The following GRIA2 variants were observed in gnomAD, a reference collection of about 807,000 sequenced individuals.
GRIA2 encodes glutamate ionotropic receptor AMPA type subunit 2.
GRIA2 carries 14 observed loss-of-function variants against 97.3 expected under a neutral mutation model. That is an observed-to-expected ratio of 0.14 (90% CI 0.10 to 0.23). The LOEUF (loss-of-function observed/expected upper bound fraction) is 0.23, where lower values mean the gene tolerates loss of function less well. Ranked by LOEUF, GRIA2 falls within the 10% of genes least tolerant of loss-of-function variation. The pLI is 1.00. For missense variants in GRIA2, 558 were observed against 1,069.8 expected (o/e 0.52, Z 6.67); for synonymous variants, 412 against 387.8 (o/e 1.06, Z -0.73).
At chr4:157,309,998 G>C (rs1383410564) in intron 3 of GRIA2, among the ~76,000 whole-genome samples, 1 of 152,042 alleles carries the variant, frequency 6.6e-6, no homozygotes, top group African/African-American at 2.4e-5. Flanking sequence ...ATGTAGGAAA[G>C]TAGAACCCAG....
rs1736772491 is a variant in GRIA2 at position 157,364,169 on chromosome 4, T to A, written c.*738T>A. Reference sequence around the variant, plus strand: ...AAAGTAAACAAAGAGGAGATTCCAATCTTGTAATTTAATATTGTTATTAAA... The same window carrying A: ...AAAGTAAACAAAGAGGAGATTCCAAACTTGTAATTTAATATTGTTATTAAA... On this transcript the variant is annotated 3_prime_UTR_variant, in exon 16 of 16. Transcript: ENST00000264426. 1 of 152,464 alleles carries A rather than the reference T, an allele frequency of 6.6e-6. No homozygotes were observed. The highest frequency in any genetic ancestry group is 2.4e-5 in the African/African-American group (1 of 41,444). 9.4% of individuals were successfully genotyped at this position (152,464 alleles called of 1,614,324 possible).
chr4:157,359,827 T>G, intron 12 of GRIA2, 69 bp from the exon 13 acceptor site: 1 of 1,383,416 alleles, frequency 7.2e-7, no homozygotes, highest in Non-Finnish European at 1.0e-6. Context: ...TAATACCTCT[T>G]TTTGTGTTTT....
chr4:157,245,078 A>G (rs1297813551), intron 2 of GRIA2, among the ~76,000 whole-genome samples: 1 of 151,784 alleles, frequency 6.6e-6, no homozygotes, highest in Non-Finnish European at 1.5e-5. Context: ...CATTTATCTA[A>G]TGGACAAAAA....
intron 2 of GRIA2, among the ~76,000 whole-genome samples, chr4:157,273,305 G>A (rs562739696): frequency 1.3e-5 from 2 of 151,932 alleles, no homozygotes; most frequent in East Asian, 3.9e-4. Flanking sequence ...TATTTACGGT[G>A]GTTCCTTTTA....
At chr4:157,240,237 T>C (rs1730444148) in intron 2 of GRIA2, among the ~76,000 whole-genome samples, 1 of 152,104 alleles carries the variant, frequency 6.6e-6, no homozygotes, top group African/African-American at 2.4e-5. Context: ...GCTTTTTCCA[T>C]GTTGGGAAAA....
At chr4:157,340,791 C>T (rs1735514300) in intron 11 of GRIA2, among the ~76,000 whole-genome samples, 1 of 151,742 alleles carries the variant, frequency 6.6e-6, no homozygotes, top group African/African-American at 2.4e-5. Flanking sequence ...TTTGGAAATT[C>T]ACTGATTGAA....
chr4:157,236,770 C>T (rs1168501369), intron 2 of GRIA2, among the ~76,000 whole-genome samples: 5 of 152,008 alleles, frequency 3.3e-5, no homozygotes, highest in Non-Finnish European at 5.9e-5. Context: ...ATTTGTATTT[C>T]TATGTATGTG....
intron 12 of GRIA2, among the ~76,000 whole-genome samples, chr4:157,350,890 G>T (rs1050168352): frequency 6.7e-6 from 1 of 148,636 alleles, no homozygotes; most frequent in South Asian, 2.1e-4. Context: ...CTACATGCCA[G>T]ATTTTGCATT....
At chr4:157,306,174 C>T (rs943720941) in intron 3 of GRIA2, among the ~76,000 whole-genome samples, 7 of 152,088 alleles carry the variant, frequency 4.6e-5, no homozygotes, top group Non-Finnish European at 8.8e-5. Flanking sequence ...GAATACACTT[C>T]GCCTTCATCC....
chr4:157,231,037 A>G (rs779491151), intron 2 of GRIA2, among the ~76,000 whole-genome samples: 7 of 150,994 alleles, frequency 4.6e-5, no homozygotes, highest in Non-Finnish European at 1.0e-4. Flanking sequence ...TTTATTTTTT[A>G]TTTTTATTTT....
intron 2 of GRIA2, among the ~76,000 whole-genome samples, chr4:157,256,108 C>T (rs191499651): frequency 1.4e-5 from 2 of 139,450 alleles, no homozygotes; most frequent in Admixed American, 7.4e-5. Context: ...TCAGAAGATA[C>T]AGCAAACTAT....
intron 2 of GRIA2, among the ~76,000 whole-genome samples, chr4:157,238,217 G>A (rs1384820765): frequency 2.6e-5 from 4 of 152,080 alleles, no homozygotes; most frequent in East Asian, 1.9e-4. Context: ...AGTTACTTGC[G>A]TCAAGATATA....
At chr4:157,307,440 A>C (rs955296638) in intron 3 of GRIA2, among the ~76,000 whole-genome samples, 1 of 152,178 alleles carries the variant, frequency 6.6e-6, no homozygotes, top group African/African-American at 2.4e-5. Context: ...GAAACTCTGC[A>C]TCTGGTGCCA....
intron 2 of GRIA2, among the ~76,000 whole-genome samples, chr4:157,273,557 A>G (rs1383459091): frequency 6.6e-6 from 1 of 152,112 alleles, no homozygotes; most frequent in Non-Finnish European, 1.5e-5. Flanking sequence ...AAAAAGAAAT[A>G]CTAGAGGTCA....
In GRIA2 at chr4:157,223,369, G is replaced by C. The variant is rs1316343838; in HGVS notation, c.229+1562G>C. On this transcript the variant is annotated intron_variant, in intron 2 of 15. Coordinates refer to ENST00000264426, the MANE Select transcript of GRIA2 (RefSeq NM_001083619.3). Reference sequence around the variant, plus strand: ...CAAATGTTGGTGCCAAGTAAGAAAAGAAAGAAGGGCGGGTGTGGGGGTACA... The same window carrying C: ...CAAATGTTGGTGCCAAGTAAGAAAACAAAGAAGGGCGGGTGTGGGGGTACA... 2.0e-5 allele frequency among the ~76,000 whole-genome samples: 3 copies of C among 152,154 alleles called. No individual in the cohort carries two copies. The East Asian group carries it at 5.8e-4, about 29-fold the overall frequency.
intron 2 of GRIA2, among the ~76,000 whole-genome samples, chr4:157,265,450 T>C (rs1361812306): frequency 6.6e-6 from 1 of 152,116 alleles, no homozygotes; most frequent in Non-Finnish European, 1.5e-5. Flanking sequence ...GCTTGCCATG[T>C]GACCTGGGTT....
chr4:157,252,265 G>T (rs1001031894), intron 2 of GRIA2, among the ~76,000 whole-genome samples: 2 of 152,124 alleles, frequency 1.3e-5, no homozygotes, highest in African/African-American at 4.8e-5. Flanking sequence ...AAAAGCACTT[G>T]TGTGGTTGTG....
intron 12 of GRIA2, among the ~76,000 whole-genome samples, chr4:157,345,391 A>C (rs1434823683): frequency 6.6e-6 from 1 of 152,018 alleles, no homozygotes; most frequent in Admixed American, 6.6e-5. Flanking sequence ...TGAATGATAA[A>C]GTCTGAATCA....
rs956528193 is a variant in GRIA2 at position 157,354,028 on chromosome 4, C to T, written c.2044-5868C>T. On this transcript the variant is annotated intron_variant, in intron 12 of 15. Transcript: ENST00000264426. The stretch of plus-strand genomic sequence containing the variant: ...CCTCATGCATCTGATTTTAATGATT[C>T]GAAAAATATTTTATGCTCACTTGAT... 1.1e-4 allele frequency among the ~76,000 whole-genome samples: 16 copies of T among 151,970 alleles called. No homozygotes were observed. In the East Asian group the frequency reaches 2.1e-3, roughly 20 times the overall value.
Sources: gnomAD v4.1 joint callset for allele counts (sites outside exome capture counted in the v4.1 genomes callset) on GRCh38, gnomAD v4.1.1 for gene constraint, MANE v1.5 for transcripts, NCBI Gene and HGNC (gene_info 2026-07-23, HGNC 2026-07-21) for gene names.